The following SLC5A1 variants were observed in gnomAD, a reference collection of about 807,000 sequenced individuals.
SLC5A1 encodes the protein sodium/glucose cotransporter 1.
SLC5A1 carries 42 observed loss-of-function variants against 73.5 expected under a neutral mutation model. That is an observed-to-expected ratio of 0.57 (90% CI 0.45 to 0.74). SLC5A1 has a LOEUF of 0.74. Ranked by LOEUF, SLC5A1 falls within the 30% of genes least tolerant of loss-of-function variation. The pLI, the probability that SLC5A1 is intolerant of heterozygous loss-of-function variation, is 0.00. For missense variants in SLC5A1, 634 were observed against 855.4 expected (o/e 0.74, Z 3.23); for synonymous variants, 300 against 317.4 (o/e 0.95, Z 0.58).
chr22:32,109,952 G>C (rs201074313), intron 14 of SLC5A1, 38 bp from the exon 15 acceptor site: 1 of 1,563,374 alleles, frequency 6.4e-7, no homozygotes, highest in Non-Finnish European at 8.8e-7. Flanking sequence ...AGTCCATCCT[G>C]CTTCTGTGTC....
chr22:32,086,434 C>A, intron 10 of SLC5A1, 107 bp downstream of exon 10: 1 of 808,230 alleles, frequency 1.2e-6, no homozygotes, highest in Non-Finnish European at 2.2e-6. Context: ...ATTTCTTAGC[C>A]GGGGGGTTAG....
chr22:32,088,330 G>C (rs539036842), intron 10 of SLC5A1, among the ~76,000 whole-genome samples: 1 of 148,186 alleles, frequency 6.7e-6, no homozygotes, highest in Non-Finnish European at 1.5e-5. Flanking sequence ...AGTAAATACT[G>C]CATTCCTTTT....
chr22:32,095,330 C>G (rs117194706), intron 11 of SLC5A1, among the ~76,000 whole-genome samples: 6,904 of 152,214 alleles, frequency 0.045, 211 homozygotes, highest in Non-Finnish European at 0.071. Context: ...TCAATGGGTA[C>G]AATGTTCTGT....
intron 2 of SLC5A1, among the ~76,000 whole-genome samples, chr22:32,060,352 TG>T (rs1216239890): frequency 6.6e-6 from 1 of 152,002 alleles, no homozygotes; most frequent in Admixed American, 6.6e-5. Context: ...CCACTACGTC[TG>T]GCTAATTTTT....
rs532462311 is a variant in SLC5A1 at position 32,071,839 on chromosome 22, C to T, written c.477+3239C>T. 9.2e-5 allele frequency among the ~76,000 whole-genome samples: 14 copies of T among 152,238 alleles called. No homozygotes were observed. The East Asian group carries it at 2.7e-3, about 29-fold the overall frequency. On this transcript the variant is annotated intron_variant, in intron 5 of 14. Coordinates refer to ENST00000266088, the MANE Select transcript of SLC5A1 (RefSeq NM_000343.4). ...TCTGAAAATACAGTTGCTAGTGTTT[C>T]TATTTTCCTGATTACTTAAAGTTGA...
intron 10 of SLC5A1, 94 bp downstream of exon 10, chr22:32,086,421 G>A (rs2094008449): frequency 1.1e-6 from 1 of 880,842 alleles, no homozygotes. Flanking sequence ...TCTGGGCAAA[G>A]ACATTTCTTA....
chr22:32,043,519 G>C lies in SLC5A1; in HGVS notation c.135+103G>C. On this transcript the variant is annotated intron_variant, in intron 1 of 14. Transcript: ENST00000266088. This position sits in a 1 kb window ranked among gnomAD's most constrained non-coding sequence, Gnocchi z 6.5. The stretch of plus-strand genomic sequence containing the variant: ...GCAGTAGGCTTAAGTGTCGGTGGAG[G>C]GGAGAGGAAATGACTTGGAAGCACT... 7.6e-7 allele frequency: 1 copy of C among 1,308,788 alleles called. No homozygotes were observed. Among genetic ancestry groups the C allele is most frequent in the East Asian group, 2.4e-5 (1 of 41,062 alleles). The allele number at this position is 1,308,788 out of a possible 1,614,324, so 81.1% of individuals were successfully genotyped here. A position where few individuals can be genotyped will look rare whatever the true frequency, so the allele number is the denominator to read the frequency against.
intron 10 of SLC5A1, among the ~76,000 whole-genome samples, chr22:32,087,899 C>T (rs549890911): frequency 6.6e-6 from 1 of 152,084 alleles, no homozygotes; most frequent in Non-Finnish European, 1.5e-5. Context: ...CAGGCAGGAA[C>T]GTGGTGTCTG....
intron 12 of SLC5A1, among the ~76,000 whole-genome samples, chr22:32,099,954 G>A (rs561328415): frequency 1.3e-5 from 2 of 152,352 alleles, no homozygotes; most frequent in Non-Finnish European, 2.9e-5. Context: ...CACATGATAT[G>A]AGCAGGAAGG....
chr22:32,097,727 G>A (rs1048316552), intron 11 of SLC5A1, among the ~76,000 whole-genome samples: 14 of 152,086 alleles, frequency 9.2e-5, no homozygotes, highest in African/African-American at 2.7e-4. Flanking sequence ...CTATTTGCAA[G>A]GTTTTACTCT....
chr22:32,047,609 G>A lies in SLC5A1; in HGVS notation c.136-2334G>A, dbSNP rs75120796. On this transcript the variant is annotated intron_variant, in intron 1 of 14. Transcript: ENST00000266088. ...AGAAAGACCCAAGCCATGCTCTCCC[G>A]GGTACTGCCCAGCACATGGGGGTGC... Among the ~76,000 whole-genome samples the A allele has an allele frequency of 4.3e-3, 662 of 152,244 alleles. 6 individuals are homozygous for A. Among genetic ancestry groups the A allele is most frequent in the African/African-American group, 0.015 (643 of 41,532 alleles).
At chr22:32,076,300 C>T (rs1254203606) in intron 5 of SLC5A1, among the ~76,000 whole-genome samples, 1 of 152,228 alleles carries the variant, frequency 6.6e-6, no homozygotes, top group Non-Finnish European at 1.5e-5. Context: ...AACTGATTGT[C>T]CTTCCATGAG....
intron 12 of SLC5A1, among the ~76,000 whole-genome samples, chr22:32,101,291 C>T (rs2094035896): frequency 6.6e-6 from 1 of 151,668 alleles, no homozygotes. Flanking sequence ...GAGGACTTAC[C>T]TAAGGGAAAG....
intron 14 of SLC5A1, among the ~76,000 whole-genome samples, chr22:32,106,673 T>G (rs1045001812): frequency 3.9e-5 from 6 of 152,342 alleles, no homozygotes; most frequent in Admixed American, 3.9e-4. Context: ...ACCAATGAAA[T>G]AACGCTTAGT....
At chr22:32,046,860 G>T (rs1334219203) in intron 1 of SLC5A1, among the ~76,000 whole-genome samples, 8 of 152,210 alleles carry the variant, frequency 5.3e-5, no homozygotes, top group African/African-American at 1.9e-4. Flanking sequence ...TCTTGTAGTT[G>T]TAGAGTGGAC....
chr22:32,078,954 CAAAAA>C (rs6147589), intron 5 of SLC5A1, among the ~76,000 whole-genome samples: 1 of 109,116 alleles, frequency 9.2e-6, no homozygotes, highest in South Asian at 2.8e-4. Flanking sequence ...ACTCTGTCTC[CAAAAA>C]AAAAAAAAAA....
At chr22:32,047,616 G>T (rs759474603) in intron 1 of SLC5A1, among the ~76,000 whole-genome samples, 3 of 152,202 alleles carry the variant, frequency 2.0e-5, no homozygotes, top group Non-Finnish European at 4.4e-5. Flanking sequence ...CCCGGGTACT[G>T]CCCAGCACAT....
rs527952020 is a variant in SLC5A1 at position 32,106,916 on chromosome 22, G to A, written c.1771+2025G>A. On this transcript the variant is annotated intron_variant, in intron 14 of 14. Coordinates refer to ENST00000266088, the MANE Select transcript of SLC5A1 (RefSeq NM_000343.4). ...TAGCTCAGAACAGATTCTCAATCTG[G>A]CCATCAGGAACATCATAGAATCCTA... is the stretch of plus-strand genomic sequence containing the variant. 1.5e-4 allele frequency among the ~76,000 whole-genome samples: 23 copies of A among 152,258 alleles called. 1 individual carries two copies. In the South Asian group the frequency reaches 4.8e-3, roughly 32 times the overall value.
At chr22:32,106,702 C>T (rs901003982) in intron 14 of SLC5A1, among the ~76,000 whole-genome samples, 1 of 152,334 alleles carries the variant, frequency 6.6e-6, no homozygotes, top group East Asian at 1.9e-4. Context: ...AGAGACTTAT[C>T]CTGTAAGTTA....
Sources: gnomAD v4.1 joint callset for allele counts (sites outside exome capture counted in the v4.1 genomes callset) on GRCh38, gnomAD v4.1.1 for gene constraint, Gnocchi (gnomAD v3.1) non-coding constraint, MANE v1.5 for transcripts, NCBI Gene and HGNC (gene_info 2026-07-23, HGNC 2026-07-21) for gene names.